The following NCKAP5 variants were observed in gnomAD, a reference collection of about 807,000 sequenced individuals.
The protein encoded by NCKAP5 is NCK associated protein 5, also known as nck-associated protein 5.
A neutral mutation model predicts 167.0 loss-of-function variants in NCKAP5; 92 were observed. That is an observed-to-expected ratio of 0.55 (90% confidence interval 0.47 to 0.66). NCKAP5 has a LOEUF of 0.66. Ranked by LOEUF, NCKAP5 falls within the 30% of genes least tolerant of loss-of-function variation. NCKAP5 has a pLI of 0.00. For missense variants in NCKAP5, 2,378 were observed against 2,315.0 expected (o/e 1.03, Z -0.56); for synonymous variants, 891 against 877.4 (o/e 1.02, Z -0.27).
the NCKAP5 span, among the ~76,000 whole-genome samples, chr2:133,599,889 C>A: frequency 6.6e-6 from 1 of 152,332 alleles, no homozygotes. Context: ...GGGAAGAATC[C>A]AATCTGTTTA....
intron 11 of NCKAP5, among the ~76,000 whole-genome samples, chr2:132,807,608 G>A (rs1685539167): frequency 6.6e-6 from 1 of 152,078 alleles, no homozygotes; most frequent in South Asian, 2.1e-4. Context: ...CATTAATCTT[G>A]TATCCGGAAA....
intron 3 of NCKAP5, among the ~76,000 whole-genome samples, chr2:133,494,362 C>A (rs1483428233): frequency 6.6e-6 from 1 of 152,182 alleles, no homozygotes; most frequent in Non-Finnish European, 1.5e-5. Context: ...CTCCTAATGA[C>A]CTTCTCCTCT....
chr2:133,022,911 A>G (rs772627249), intron 6 of NCKAP5, among the ~76,000 whole-genome samples: 1 of 152,174 alleles, frequency 6.6e-6, no homozygotes, highest in Admixed American at 6.5e-5. Flanking sequence ...CTGCTGGCTC[A>G]CTTTGATGAG....
the NCKAP5 span, among the ~76,000 whole-genome samples, chr2:133,596,763 G>A: frequency 1.0e-4 from 14 of 135,044 alleles, no homozygotes; most frequent in African/African-American, 3.5e-4. Flanking sequence ...ACCACCTGGA[G>A]CTGTTATGAA....
intron 6 of NCKAP5, among the ~76,000 whole-genome samples, chr2:133,109,747 G>A (rs1457775606): frequency 6.8e-6 from 1 of 147,960 alleles, no homozygotes; most frequent in Non-Finnish European, 1.5e-5. Flanking sequence ...TTTCCCAATG[G>A]GATCAAGTTT....
At chr2:133,420,557 T>C (rs1689408610) in intron 3 of NCKAP5, among the ~76,000 whole-genome samples, 1 of 152,188 alleles carries the variant, frequency 6.6e-6, no homozygotes, top group Non-Finnish European at 1.5e-5. Context: ...ACTCTGAGAA[T>C]AGTACACTTT....
intron 3 of NCKAP5, among the ~76,000 whole-genome samples, chr2:133,314,719 C>T (rs1487572714): frequency 6.6e-6 from 1 of 152,276 alleles, no homozygotes; most frequent in Non-Finnish European, 1.5e-5. Flanking sequence ...ATGAAGGTAA[C>T]ATTTTTGTGA....
chr2:133,022,864 C>T (rs887294946), intron 6 of NCKAP5, among the ~76,000 whole-genome samples: 1 of 152,176 alleles, frequency 6.6e-6, no homozygotes, highest in African/African-American at 2.4e-5. Context: ...AAGCCATCTT[C>T]CTCGCCCCTA....
In NCKAP5 at chr2:133,392,892, T is replaced by C. The variant is rs1464478093; in HGVS notation, c.70-89782A>G. 2.0e-5 allele frequency among the ~76,000 whole-genome samples: 3 copies of C among 152,148 alleles called. No homozygotes were observed. The East Asian group carries it at 5.8e-4, about 29-fold the overall frequency. ...GTGTATTACTGAATCATAATACTGA[T>C]GTACGATGATTTATAAGGCAACAGC... On this transcript the variant is annotated intron_variant, in intron 3 of 19. Transcript: ENST00000409261.
chr2:133,503,704 C>A (rs1682743780), intron 3 of NCKAP5, among the ~76,000 whole-genome samples: 1 of 152,184 alleles, frequency 6.6e-6, no homozygotes, highest in East Asian at 1.9e-4. Flanking sequence ...AAGGAGGAAC[C>A]ATCTTCCTGC....
intron 12 of NCKAP5, among the ~76,000 whole-genome samples, chr2:132,793,411 C>G (rs930953981): frequency 3.3e-5 from 5 of 152,194 alleles, no homozygotes; most frequent in African/African-American, 4.8e-5. Flanking sequence ...GAGAGGTGTC[C>G]TCTAAGACAG....
At chr2:132,901,943 C>T (rs1264584140) in intron 8 of NCKAP5, among the ~76,000 whole-genome samples, 2 of 152,172 alleles carry the variant, frequency 1.3e-5, no homozygotes, top group Non-Finnish European at 2.9e-5. Flanking sequence ...TTCTAGTTGA[C>T]ATGCATTTTG....
At chr2:132,735,443 C>A (rs1167142535) in intron 16 of NCKAP5, among the ~76,000 whole-genome samples, 1 of 152,218 alleles carries the variant, frequency 6.6e-6, no homozygotes, top group Non-Finnish European at 1.5e-5. Context: ...TCCTCCTTCA[C>A]CTTCCATCAT....
intron 7 of NCKAP5, among the ~76,000 whole-genome samples, chr2:132,977,453 A>T (rs1447520269): frequency 6.6e-6 from 1 of 152,108 alleles, no homozygotes; most frequent in Non-Finnish European, 1.5e-5. Context: ...TGCCACATGC[A>T]TCTTCTCACA....
At chr2:132,968,491 C>T (rs2076733505) in intron 7 of NCKAP5, among the ~76,000 whole-genome samples, 1 of 152,258 alleles carries the variant, frequency 6.6e-6, no homozygotes, top group Non-Finnish European at 1.5e-5. Flanking sequence ...ACTTTTTAGG[C>T]CTCAGTTTCC....
Position 132,731,647 on chromosome 2 carries a change from C to G in NCKAP5, c.5443+90G>C, listed in dbSNP as rs1356254478. On this transcript the variant is annotated intron_variant, in intron 17 of 19. Transcript: ENST00000409261. ...TTCACATATCTACATTTTTATCAGG[C>G]AGGTCACTGACTTACTCATCTCCTG... 1.6e-5 allele frequency: 21 copies of G among 1,346,038 alleles called. No homozygotes were observed. In the East Asian group the frequency reaches 4.7e-4, roughly 30 times the overall value. 83.4% of individuals were successfully genotyped at this position (1,346,038 alleles called of 1,614,324 possible).
At chr2:133,144,258 A>T (rs55665571) in intron 5 of NCKAP5, among the ~76,000 whole-genome samples, 1 of 152,066 alleles carries the variant, frequency 6.6e-6, no homozygotes, top group Non-Finnish European at 1.5e-5. Context: ...TAATGACTCA[A>T]TTCTGCTCTG....
At chr2:133,010,173 G>A (rs1424784195) in intron 6 of NCKAP5, among the ~76,000 whole-genome samples, 1 of 152,210 alleles carries the variant, frequency 6.6e-6, no homozygotes, top group South Asian at 2.1e-4. Flanking sequence ...TGATGGAAAG[G>A]GAATTTTCAA....
chr2:133,060,181 A>T (rs1036453594), intron 6 of NCKAP5, among the ~76,000 whole-genome samples: 3 of 152,212 alleles, frequency 2.0e-5, no homozygotes, highest in Non-Finnish European at 4.4e-5. Flanking sequence ...TTTTAGACAG[A>T]CACATTTAAT....
Sources: gnomAD v4.1 joint callset for allele counts (sites outside exome capture counted in the v4.1 genomes callset) on GRCh38, gnomAD v4.1.1 for gene constraint, MANE v1.5 for transcripts, NCBI Gene and HGNC (gene_info 2026-07-23, HGNC 2026-07-21) for gene names.